Variants in CSMD2 observed in about 807,000 individuals in gnomAD.
CSMD2 encodes CUB and sushi domain-containing protein 2.
Under a neutral mutation model 398.5 loss-of-function variants are expected in CSMD2, and 130 were observed. The ratio of observed to expected loss-of-function variants is 0.33; its 90% confidence interval spans 0.28 to 0.38. CSMD2 has a LOEUF of 0.38. CSMD2 is among the 10% of genes least tolerant of loss of function. The pLI is 1.00. For missense variants in CSMD2, 3,829 were observed against 4,764.9 expected (o/e 0.80, Z 5.78); for synonymous variants, 1,828 against 1,908.5 (o/e 0.96, Z 1.10).
chr1:33,569,671 A>G, intron 51 of CSMD2, 124 bp from the exon 52 acceptor site: 1 of 951,374 alleles, frequency 1.1e-6, no homozygotes, highest in East Asian at 2.6e-5. Context: ...ATTCCTGACC[A>G]GAATATGGGT....
intron 1 of CSMD2, among the ~76,000 whole-genome samples, chr1:34,113,501 A>G (rs1382598): frequency 0.93 from 142,115 of 152,170 alleles, 66,754 homozygotes; most frequent in East Asian, 1. Flanking sequence ...TAGCTGGGAG[A>G]GACTTTATTA....
intron 5 of CSMD2, chr1:33,860,791 G>A (rs1639444223): frequency 6.6e-6 from 1 of 152,196 alleles, no homozygotes; most frequent in Non-Finnish European, 1.5e-5. Flanking sequence ...ACCAAGTAAA[G>A]AGGATCTCAC....
intron 13 of CSMD2, among the ~76,000 whole-genome samples, chr1:33,768,580 C>G (rs951435425): frequency 7.1e-6 from 1 of 140,208 alleles, no homozygotes; most frequent in Non-Finnish European, 1.6e-5. Flanking sequence ...GTGTGTGTGT[C>G]ACCAGAACAG....
At chr1:33,684,858 G>A (rs374056845) in intron 25 of CSMD2, among the ~76,000 whole-genome samples, 1 of 152,174 alleles carries the variant, frequency 6.6e-6, no homozygotes, top group Non-Finnish European at 1.5e-5. Flanking sequence ...ATTGTGTTTC[G>A]TGCATACTTC....
At chr1:34,101,964 G>T (rs1345892448) in intron 1 of CSMD2, among the ~76,000 whole-genome samples, 3 of 151,704 alleles carry the variant, frequency 2.0e-5, no homozygotes, top group Non-Finnish European at 4.4e-5. Context: ...CATATTTGTT[G>T]CAAATATTGT....
At chr1:33,708,760 C>A (rs1017009096) in intron 22 of CSMD2, among the ~76,000 whole-genome samples, 1 of 152,012 alleles carries the variant, frequency 6.6e-6, no homozygotes, top group South Asian at 2.1e-4. Flanking sequence ...CACCACCACA[C>A]CCAGCTAATT....
intron 14 of CSMD2, among the ~76,000 whole-genome samples, chr1:33,739,818 A>G (rs530424088): frequency 6.6e-6 from 1 of 152,258 alleles, no homozygotes; most frequent in South Asian, 2.1e-4. Context: ...TCTAAGCATC[A>G]TAAAGGAGGT....
intron 3 of CSMD2, among the ~76,000 whole-genome samples, chr1:34,011,707 T>C (rs1477982722): frequency 6.6e-6 from 1 of 152,220 alleles, no homozygotes; most frequent in East Asian, 1.9e-4. Flanking sequence ...CTCAGGCATG[T>C]ATCCTTTGTG....
At chr1:33,812,817 C>A (rs1263545429) in intron 9 of CSMD2, among the ~76,000 whole-genome samples, 1 of 152,184 alleles carries the variant, frequency 6.6e-6, no homozygotes, top group African/African-American at 2.4e-5. Context: ...ATCAGACTCC[C>A]AATGCCATGT....
At chr1:34,122,466 G>C (rs943253192) in intron 1 of CSMD2, among the ~76,000 whole-genome samples, 1 of 152,072 alleles carries the variant, frequency 6.6e-6, no homozygotes, top group Admixed American at 6.6e-5. Context: ...TCAAGCAGCA[G>C]GGCCCTCCCT....
intron 21 of CSMD2, among the ~76,000 whole-genome samples, chr1:33,709,937 T>C (rs1645929767): frequency 6.6e-6 from 1 of 152,174 alleles, no homozygotes; most frequent in Non-Finnish European, 1.5e-5. Flanking sequence ...GTTTTTAGCA[T>C]AGTCTCATTG....
chr1:34,099,691 G>A (rs765194548), intron 1 of CSMD2, among the ~76,000 whole-genome samples: 2 of 152,212 alleles, frequency 1.3e-5, no homozygotes, highest in Admixed American at 1.3e-4. Context: ...TTCCATGTGG[G>A]AGAGGTTGAC....
At chr1:33,768,694 A>G (rs1650869347) in intron 13 of CSMD2, among the ~76,000 whole-genome samples, 1 of 151,980 alleles carries the variant, frequency 6.6e-6, no homozygotes, top group Admixed American at 6.6e-5. Context: ...CATTTCCCAC[A>G]GCATCTCTTT....
chr1:33,518,381 G>A lies in CSMD2; in HGVS notation c.*53+1084C>T, dbSNP rs1017459488. 1.2e-5 allele frequency among the ~76,000 whole-genome samples: 1 copy of A among 80,970 alleles called. No individual in the cohort carries two copies. The highest frequency in any genetic ancestry group is 6.7e-5 in the African/African-American group (1 of 14,934). The allele number at this position is 80,970 out of a possible 152,430, so 53.1% of individuals were successfully genotyped here. A position where few individuals can be genotyped will look rare whatever the true frequency, so the allele number is the denominator to read the frequency against. On this transcript the variant is annotated intron_variant, in intron 70 of 70. Transcript: ENST00000373381. This position sits in a 1 kb window ranked among gnomAD's most constrained non-coding sequence, Gnocchi z 4.3. Reference sequence around the variant, plus strand: ...CTGTCAGATGCATGCCTGTGTGCATGTATGCGTATGTGTGTGTGTGTGTGT... The same window carrying A: ...CTGTCAGATGCATGCCTGTGTGCATATATGCGTATGTGTGTGTGTGTGTGT...
At chr1:34,147,323 G>GTC (rs1639867804) in intron 1 of CSMD2, among the ~76,000 whole-genome samples, 1 of 152,096 alleles carries the variant, frequency 6.6e-6, no homozygotes, top group Non-Finnish European at 1.5e-5. Flanking sequence ...GCAAATGCTG[G>GTC]AAGCTCCAAT....
intron 4 of CSMD2, among the ~76,000 whole-genome samples, chr1:33,921,488 C>T (rs1250566845): frequency 1.3e-5 from 2 of 152,216 alleles, no homozygotes. Context: ...CTGTCACTGG[C>T]CCTCACTACA....
chr1:33,669,350 A>C (rs1052380990), intron 25 of CSMD2, among the ~76,000 whole-genome samples: 1 of 152,240 alleles, frequency 6.6e-6, no homozygotes, highest in African/African-American at 2.4e-5. Flanking sequence ...CGAAAGAGTA[A>C]CTGGCCTTCC....
chr1:33,811,926 A>G (rs560907884), intron 9 of CSMD2, among the ~76,000 whole-genome samples: 1 of 152,328 alleles, frequency 6.6e-6, no homozygotes, highest in Non-Finnish European at 1.5e-5. Flanking sequence ...AACAAGCTTA[A>G]CTATATAAAA....
At chr1:33,581,371 A>T (rs1331078381) in intron 47 of CSMD2, among the ~76,000 whole-genome samples, 2 of 149,126 alleles carry the variant, frequency 1.3e-5, no homozygotes, top group Non-Finnish European at 1.5e-5. Context: ...AAAAAAAAAA[A>T]AAAAAAAAAA....
Sources: gnomAD v4.1 joint callset for allele counts (sites outside exome capture counted in the v4.1 genomes callset) on GRCh38, gnomAD v4.1.1 for gene constraint, Gnocchi (gnomAD v3.1) non-coding constraint, MANE v1.5 for transcripts, NCBI Gene and HGNC (gene_info 2026-07-23, HGNC 2026-07-21) for gene names.